TENM3: variants seen among roughly 807,000 people sequenced by gnomAD.
TENM3 encodes teneurin transmembrane protein 3.
Under a neutral mutation model 255.1 loss-of-function variants are expected in TENM3, and 63 were observed. The observed-to-expected ratio is 0.25, with a 90% confidence interval of 0.20 to 0.30. TENM3 has a LOEUF of 0.30. TENM3 is among the 10% of genes least tolerant of loss of function. TENM3 has a pLI of 1.00. For synonymous variants in TENM3, 1,306 were observed against 1,322.3 expected, an observed-to-expected ratio of 0.99 and a Z score of 0.27; for missense variants, 2,929 against 3,461.1, an observed-to-expected ratio of 0.85 and a Z score of 3.86.
At chr4:182,765,900 A>G (rs1052263616) in intron 22 of TENM3, among the ~76,000 whole-genome samples, 3 of 152,262 alleles carry the variant, frequency 2.0e-5, no homozygotes, top group Non-Finnish European at 4.4e-5. Flanking sequence ...ACTTAACAAA[A>G]GTTACCAAAT....
At chr4:181,543,241 C>T in the TENM3 span, among the ~76,000 whole-genome samples, 48 of 152,102 alleles carry the variant, frequency 3.2e-4, no homozygotes, top group African/African-American at 1.1e-3. Context: ...GGCCTTCGTC[C>T]AGCTTGAGAC....
At chr4:182,658,739 G>A (rs1461765276) in intron 6 of TENM3, among the ~76,000 whole-genome samples, 6 of 152,194 alleles carry the variant, frequency 3.9e-5, no homozygotes, top group South Asian at 4.1e-4. Flanking sequence ...AGGACACTGC[G>A]ATTGCTTTCA....
At chr4:181,823,664 A>C in the TENM3 span, among the ~76,000 whole-genome samples, 1 of 152,134 alleles carries the variant, frequency 6.6e-6, no homozygotes, top group Non-Finnish European at 1.5e-5. Flanking sequence ...GGGGGTAAAA[A>C]CCAATACACT....
chr4:182,186,484 A>G (rs1043799230), intron 1 of TENM3, among the ~76,000 whole-genome samples: 1 of 151,850 alleles, frequency 6.6e-6, no homozygotes, highest in African/African-American at 2.4e-5. Flanking sequence ...TTTTAATAAT[A>G]GAAGATAATT....
In TENM3 at chr4:182,800,522, A is replaced by C; in HGVS notation, c.*171A>C. On this transcript the variant is annotated 3_prime_UTR_variant, in exon 28 of 28. Coordinates refer to ENST00000511685, the MANE Select transcript of TENM3 (RefSeq NM_001080477.4). ...GGACCGCTTTTTTCCGAATGACCTT[A>C]AAGGTGATCGGCTTTAACGAATATG... 1 of 756,730 alleles carries C rather than the reference A, an allele frequency of 1.3e-6. No individual in the cohort carries two copies. Among genetic ancestry groups the C allele is most frequent in the Non-Finnish European group, 2.0e-6 (1 of 490,424 alleles). The allele number at this position is 756,730 out of a possible 1,614,324, so 46.9% of individuals were successfully genotyped here.
At chr4:182,204,593 TCTG>T (rs1328334236) in intron 1 of TENM3, among the ~76,000 whole-genome samples, 3 of 152,212 alleles carry the variant, frequency 2.0e-5, no homozygotes, top group Non-Finnish European at 4.4e-5. Context: ...CACTGTCTGT[TCTG>T]CTCAGTGCCT....
the TENM3 span, among the ~76,000 whole-genome samples, chr4:181,800,701 A>T: frequency 6.6e-6 from 1 of 151,808 alleles, no homozygotes; most frequent in Non-Finnish European, 1.5e-5. Context: ...CAGGTGCTTG[A>T]CTCTTGTCCC....
chr4:181,533,521 G>C, the TENM3 span, among the ~76,000 whole-genome samples: 1 of 151,890 alleles, frequency 6.6e-6, no homozygotes, highest in African/African-American at 2.4e-5. Context: ...CTAGGTAATA[G>C]GCCCCTTAGA....
the TENM3 span, among the ~76,000 whole-genome samples, chr4:181,968,986 C>CTA: frequency 1.1e-3 from 141 of 123,946 alleles, no homozygotes; most frequent in African/African-American, 3.1e-3. Context: ...CTCTCTCTCT[C>CTA]TCTCTCTATA....
At chr4:182,485,243 G>T (rs1037370590) in intron 3 of TENM3, among the ~76,000 whole-genome samples, 3 of 152,102 alleles carry the variant, frequency 2.0e-5, no homozygotes, top group African/African-American at 7.2e-5. Flanking sequence ...CATTACAAAT[G>T]CATCAGCAAA....
chr4:182,426,877 GTTCA>G (rs1427114275), intron 3 of TENM3, among the ~76,000 whole-genome samples: 2 of 152,048 alleles, frequency 1.3e-5, no homozygotes, highest in Non-Finnish European at 2.9e-5. Context: ...GTACCCCTGT[GTTCA>G]TTATCTGTTG....
the TENM3 span, among the ~76,000 whole-genome samples, chr4:181,579,933 A>AATTTTATTTTATTTT: frequency 3.7e-4 from 47 of 126,574 alleles, no homozygotes; most frequent in African/African-American, 1.2e-3. Context: ...AAGTACCTAC[A>AATTTTATTTTATTTT]ATTTTATTTT....
chr4:182,228,828 G>C (rs988803006), intron 1 of TENM3, among the ~76,000 whole-genome samples: 21 of 152,086 alleles, frequency 1.4e-4, no homozygotes, highest in African/African-American at 4.8e-4. Context: ...GTCAAATGAT[G>C]GATTTTTGTA....
the TENM3 span, among the ~76,000 whole-genome samples, chr4:181,755,347 T>G: frequency 6.6e-6 from 1 of 152,158 alleles, no homozygotes; most frequent in African/African-American, 2.4e-5. Flanking sequence ...CTTTCCTTTT[T>G]TGTACTCACT....
the TENM3 span, among the ~76,000 whole-genome samples, chr4:181,999,608 A>G: frequency 0.033 from 4,959 of 152,266 alleles, 250 homozygotes; most frequent in African/African-American, 0.11. Context: ...AAGTGACAAC[A>G]TGGCATGAGC....
the TENM3 span, among the ~76,000 whole-genome samples, chr4:181,945,575 C>T: frequency 6.6e-6 from 1 of 151,848 alleles, no homozygotes; most frequent in African/African-American, 2.4e-5. Flanking sequence ...GTAACTTAGT[C>T]AATCTGCTTG....
At chr4:181,777,342 G>A in the TENM3 span, among the ~76,000 whole-genome samples, 13 of 152,054 alleles carry the variant, frequency 8.5e-5, no homozygotes, top group South Asian at 2.1e-4. Context: ...GTCAGATAGC[G>A]TGATGCCTCC....
chr4:182,755,348 G>T (rs748099930), intron 22 of TENM3, 89 bp downstream of exon 22: 29 of 1,244,304 alleles, frequency 2.3e-5, no homozygotes, highest in South Asian at 5.0e-5. Context: ...AGAGCTGGAG[G>T]ATTCCATGTT....
chr4:181,813,875 G>A, the TENM3 span, among the ~76,000 whole-genome samples: 1 of 151,934 alleles, frequency 6.6e-6, no homozygotes, highest in Non-Finnish European at 1.5e-5. Context: ...AATAAGTGTT[G>A]GGAAAGGGAA....
Sources: allele counts gnomAD v4.1 joint callset (sites outside exome capture counted in the v4.1 genomes callset), GRCh38; gene constraint gnomAD v4.1.1; transcripts MANE v1.5; gene names NCBI Gene and HGNC (gene_info 2026-07-23, HGNC 2026-07-21).